Variants in DENND1B observed in about 807,000 individuals in gnomAD.
The protein encoded by DENND1B is DENN domain containing 1B.
DENND1B carries 59 observed loss-of-function variants against 90.1 expected under a neutral mutation model. The observed-to-expected ratio is 0.65, with a 90% CI of 0.53 to 0.81. DENND1B has a LOEUF of 0.81. Among genes scored for constraint, DENND1B ranks in the 40% least tolerant of loss-of-function variants. The pLI, the probability that DENND1B is intolerant of heterozygous loss-of-function variation, is 0.00. For synonymous variants in DENND1B, 337 were observed against 324.6 expected (o/e 1.04, Z -0.41); for missense variants, 862 against 912.6 (o/e 0.94, Z 0.71).
chr1:197,770,004 T>C (rs776653013), intron 2 of DENND1B, among the ~76,000 whole-genome samples: 1 of 152,154 alleles, frequency 6.6e-6, no homozygotes, highest in Admixed American at 6.5e-5. Context: ...TTATTATTTA[T>C]AGCTACTAAT....
chr1:197,576,223 G>A (rs1033894322), intron 15 of DENND1B, among the ~76,000 whole-genome samples: 1 of 152,182 alleles, frequency 6.6e-6, no homozygotes, highest in Non-Finnish European at 1.5e-5. Context: ...GTATGGCATA[G>A]ACAAAACCTG....
At chr1:197,701,044 G>A (rs1034560184) in intron 3 of DENND1B, among the ~76,000 whole-genome samples, 1 of 152,154 alleles carries the variant, frequency 6.6e-6, no homozygotes, top group Non-Finnish European at 1.5e-5. Context: ...TCTAGAACCA[G>A]AAATAACCAT....
intron 13 of DENND1B, among the ~76,000 whole-genome samples, chr1:197,599,928 G>A (rs1676051246): frequency 6.6e-6 from 1 of 151,738 alleles, no homozygotes; most frequent in East Asian, 1.9e-4. Flanking sequence ...TTTTATGATC[G>A]CCCCTGCCTA....
At chr1:197,746,922 G>A in intron 2 of DENND1B, 2 of 1,571,960 alleles carry the variant, frequency 1.3e-6, no homozygotes, top group South Asian at 2.2e-5. Context: ...CGAGTAGCTA[G>A]CTGGTTTTTC....
At chr1:197,607,241 G>T in intron 12 of DENND1B, 67 bp from the exon 13 acceptor site, 1 of 1,101,906 alleles carries the variant, frequency 9.1e-7, no homozygotes, top group Non-Finnish European at 1.3e-6. Flanking sequence ...GATGAGTTTG[G>T]AAACAGAAAA....
At chr1:197,715,009 T>A (rs771808344) in intron 3 of DENND1B, 22 bp downstream of exon 3, 86 of 1,591,652 alleles carry the variant, frequency 5.4e-5, no homozygotes, top group Middle Eastern at 1.7e-4. Flanking sequence ...TTAAATTTTT[T>A]AAAAAATTAT....
At chr1:197,775,865 C>A (rs867636394), upstream of DENND1B, among the ~76,000 whole-genome samples, 1 of 152,194 alleles carries the variant, frequency 6.6e-6, no homozygotes, top group African/African-American at 2.4e-5. Context: ...ACTACAAATT[C>A]AGAGCTCAAG....
chr1:197,627,308 C>A (rs879796970), intron 10 of DENND1B, among the ~76,000 whole-genome samples: 8 of 152,126 alleles, frequency 5.3e-5, no homozygotes, highest in Admixed American at 5.2e-4. Flanking sequence ...AATCCAGCAG[C>A]ATATCAAAAA....
At chr1:197,723,371 G>C (rs1411542802) in intron 2 of DENND1B, among the ~76,000 whole-genome samples, 1 of 152,070 alleles carries the variant, frequency 6.6e-6, no homozygotes, top group Non-Finnish European at 1.5e-5. Context: ...CTGAAGCTGT[G>C]GGTGATCATG....
intron 3 of DENND1B, among the ~76,000 whole-genome samples, chr1:197,681,280 A>G (rs930094441): frequency 6.6e-6 from 1 of 152,178 alleles, no homozygotes; most frequent in African/African-American, 2.4e-5. Flanking sequence ...AACCAAACAC[A>G]ATAGAAGCAA....
At chr1:197,754,323 T>C (rs1211416532) in intron 2 of DENND1B, among the ~76,000 whole-genome samples, 2 of 152,228 alleles carry the variant, frequency 1.3e-5, no homozygotes, top group South Asian at 2.1e-4. Flanking sequence ...TTGAAGTAGA[T>C]AATAATACAA....
At position 197,765,351 on chromosome 1, in the gene DENND1B, G is replaced by A. The variant is rs150807252; in HGVS notation, c.82+7517C>T. Reference sequence around the variant, plus strand: ...TTTGGAAATGATTAAAAATCCAAGAGCTCAAATGTGATATTCTCATTGTTA... The same window carrying A: ...TTTGGAAATGATTAAAAATCCAAGAACTCAAATGTGATATTCTCATTGTTA... On this transcript the variant is annotated intron_variant, in intron 2 of 22. Transcript: ENST00000620048. Among the ~76,000 whole-genome samples the A allele has an allele frequency of 2.0e-3, 300 of 152,262 alleles. 1 individual carries two copies. Among genetic ancestry groups the A allele is most frequent in the Admixed American group, 5.6e-3 (86 of 15,286 alleles).
chr1:197,538,763 C>A, intron 20 of DENND1B, among the ~76,000 whole-genome samples: 1 of 146,688 alleles, frequency 6.8e-6, no homozygotes, highest in African/African-American at 2.5e-5. Flanking sequence ...ATTTTGTCCT[C>A]TCAAAATCTC....
chr1:197,518,830 A>C (rs1185578707), intron 20 of DENND1B, among the ~76,000 whole-genome samples: 5 of 151,924 alleles, frequency 3.3e-5, no homozygotes, highest in South Asian at 2.1e-4. Context: ...TATTATGAAC[A>C]CAAGTGGGGA....
chr1:197,634,755 G>A (rs990250046), intron 10 of DENND1B, among the ~76,000 whole-genome samples: 13 of 152,204 alleles, frequency 8.5e-5, no homozygotes, highest in South Asian at 2.1e-4. Flanking sequence ...TTGGGAGGCC[G>A]AGGCAGGAGT....
At chr1:197,716,175 ACT>A (rs1660627081) in intron 2 of DENND1B, among the ~76,000 whole-genome samples, 1 of 151,774 alleles carries the variant, frequency 6.6e-6, no homozygotes, top group African/African-American at 2.4e-5. Flanking sequence ...TAATTATAAA[ACT>A]CAATAAATGT....
intron 14 of DENND1B, among the ~76,000 whole-genome samples, chr1:197,588,512 T>C (rs945760193): frequency 6.6e-6 from 1 of 152,132 alleles, no homozygotes; most frequent in Non-Finnish European, 1.5e-5. Context: ...ATCCAAAACA[T>C]CAACATTATA....
intron 10 of DENND1B, among the ~76,000 whole-genome samples, chr1:197,639,357 T>C (rs1407538410): frequency 6.6e-6 from 1 of 151,950 alleles, no homozygotes; most frequent in Non-Finnish European, 1.5e-5. Flanking sequence ...AGCCACTGCA[T>C]CCGGCAAGAA....
chr1:197,689,450 AATC>A (rs2126014952), intron 3 of DENND1B: 1 of 152,274 alleles, frequency 6.6e-6, no homozygotes, highest in African/African-American at 2.4e-5. Context: ...CACAGAGACA[AATC>A]ATGTCAATAT....
Sources: allele counts gnomAD v4.1 joint callset (sites outside exome capture counted in the v4.1 genomes callset), GRCh38; gene constraint gnomAD v4.1.1; transcripts MANE v1.5; gene names NCBI Gene and HGNC (gene_info 2026-07-23, HGNC 2026-07-21).